The following CTTNBP2 variants were observed in gnomAD, a reference collection of about 807,000 sequenced individuals.
CTTNBP2 encodes the protein cortactin binding protein 2.
A neutral mutation model predicts 156.9 loss-of-function variants in CTTNBP2; 108 were observed. That is an observed-to-expected ratio of 0.69 (90% confidence interval 0.59 to 0.81). The LOEUF is 0.81. Among genes scored for constraint, CTTNBP2 ranks in the 30% least tolerant of loss-of-function variants. CTTNBP2 has a pLI of 0.00. For missense variants in CTTNBP2, 1,924 were observed against 2,035.4 expected, an observed-to-expected ratio of 0.95 and a Z score of 1.05; for synonymous variants, 767 against 751.8, an observed-to-expected ratio of 1.02 and a Z score of -0.33.
intron 1 of CTTNBP2, among the ~76,000 whole-genome samples, chr7:117,867,823 C>G (rs1804309159): frequency 6.6e-6 from 1 of 152,156 alleles, no homozygotes; most frequent in African/African-American, 2.4e-5. Context: ...AGGTCATGCA[C>G]CTCAAATCAA....
chr7:117,848,608 A>C (rs1266427162), intron 2 of CTTNBP2, among the ~76,000 whole-genome samples: 1 of 152,132 alleles, frequency 6.6e-6, no homozygotes, highest in Non-Finnish European at 1.5e-5. Context: ...ACAACAACAC[A>C]TCATGTGTAA....
At chr7:117,733,403 G>A (rs948908660) in intron 16 of CTTNBP2, among the ~76,000 whole-genome samples, 2 of 152,164 alleles carry the variant, frequency 1.3e-5, no homozygotes, top group Non-Finnish European at 2.9e-5. Flanking sequence ...GAGAGCTAGC[G>A]GGAGAGGGGT....
chr7:117,809,843 A>C (rs1178624436), intron 3 of CTTNBP2, among the ~76,000 whole-genome samples: 1 of 152,222 alleles, frequency 6.6e-6, no homozygotes, highest in Non-Finnish European at 1.5e-5. Flanking sequence ...AGTTCTCTGA[A>C]GAGGCCAAAT....
intron 12 of CTTNBP2, among the ~76,000 whole-genome samples, chr7:117,746,352 G>T (rs1213268945): frequency 2.0e-5 from 3 of 152,136 alleles, no homozygotes; most frequent in Admixed American, 6.5e-5. Context: ...CATAGCGAGG[G>T]TCTGCAGGGT....
At chr7:117,760,288 T>A (rs1398144250) in intron 10 of CTTNBP2, 147 bp downstream of exon 10, 2 of 693,014 alleles carry the variant, frequency 2.9e-6, no homozygotes, top group African/African-American at 1.8e-5. Flanking sequence ...GGCTACATTG[T>A]GAATACTCAA....
chr7:117,845,229 G>A (rs954094372), intron 2 of CTTNBP2, among the ~76,000 whole-genome samples: 2 of 152,184 alleles, frequency 1.3e-5, no homozygotes, highest in African/African-American at 4.8e-5. Context: ...TCTAAGAGGA[G>A]TAAGGAGATG....
intron 9 of CTTNBP2, 80 bp downstream of exon 9, chr7:117,766,979 T>C: frequency 1.2e-6 from 1 of 813,950 alleles, no homozygotes; most frequent in South Asian, 1.4e-5. Context: ...ATGCAAAAGA[T>C]GTAAATAGTT....
In CTTNBP2 at chr7:117,719,488, C is replaced by T. The variant is rs1402334767; in HGVS notation, c.4644+16G>A. 3 of 1,611,192 alleles carry T rather than the reference C, an allele frequency of 1.9e-6. No homozygotes were observed. Among genetic ancestry groups the T allele is most frequent in the East Asian group, 4.5e-5 (2 of 44,774 alleles). ...TTGAGTAGAGCCATTCAATGCCCCCCATTTGTACTGCTCACCTTGCTGATA... is the reference window on the plus strand; with the variant it reads ...TTGAGTAGAGCCATTCAATGCCCCCTATTTGTACTGCTCACCTTGCTGATA... On this transcript the variant is annotated intron_variant, in intron 21 of 22. Transcript: ENST00000160373.
chr7:117,734,596 G>T (rs895906876), intron 16 of CTTNBP2, among the ~76,000 whole-genome samples: 2 of 152,200 alleles, frequency 1.3e-5, no homozygotes, highest in Admixed American at 6.5e-5. Context: ...TGTTTTGAAG[G>T]CTCCAAGAAA....
chr7:117,757,961 G>C lies in CTTNBP2; in HGVS notation c.3182C>G (p.Pro1061Arg). 6.2e-7 allele frequency: 1 copy of C among 1,611,608 alleles called. No individual in the cohort carries two copies. Residue 1061 changes from proline to arginine, a missense_variant, in exon 11 of 23, where the codon CCG becomes CGG. Pro to Arg is a moderately radical substitution (Grantham distance 103). Coordinates refer to ENST00000160373, the MANE Select transcript of CTTNBP2 (RefSeq NM_033427.3). ...SIRSITLGNV[P>R]WSVGQSFAQS... ...CGCGAAGCTCTGACCCACTGACCAC[G>C]GCACATTTCCTAGTTTCAAAAAATG...
chr7:117,756,545 G>A lies in CTTNBP2; in HGVS notation c.3348+10C>T, dbSNP rs757742496. 9 of 1,605,092 alleles carry A rather than the reference G, an allele frequency of 5.6e-6. No individual in the cohort carries two copies. Among genetic ancestry groups the A allele is most frequent in the African/African-American group, 1.3e-5 (1 of 74,740 alleles). On this transcript the variant is annotated intron_variant, in intron 12 of 22. Coordinates refer to ENST00000160373, the MANE Select transcript of CTTNBP2 (RefSeq NM_033427.3). The stretch of plus-strand genomic sequence containing the variant: ...AAAACACAGGTCTCCACCCAGCAGT[G>A]TCCACCTACCAGCCTGAGGTAGTTC...
intron 2 of CTTNBP2, among the ~76,000 whole-genome samples, chr7:117,842,125 G>T (rs143929665): frequency 6.6e-6 from 1 of 152,096 alleles, no homozygotes; most frequent in African/African-American, 2.4e-5. Context: ...TAATAATAGA[G>T]GAAACTGGTG....
chr7:117,789,756 G>A (rs1434857020), intron 4 of CTTNBP2, among the ~76,000 whole-genome samples: 1 of 152,054 alleles, frequency 6.6e-6, no homozygotes, highest in Non-Finnish European at 1.5e-5. Context: ...AAGCTGACAG[G>A]TTATAGGATC....
At chr7:117,726,291 TA>T (rs1795092748) in intron 17 of CTTNBP2, among the ~76,000 whole-genome samples, 1 of 152,212 alleles carries the variant, frequency 6.6e-6, no homozygotes, top group Admixed American at 6.5e-5. Context: ...AGACATTGCA[TA>T]AAACTTTCAA....
At chr7:117,839,141 AG>A (rs1202907445) in intron 2 of CTTNBP2, among the ~76,000 whole-genome samples, 1 of 152,136 alleles carries the variant, frequency 6.6e-6, no homozygotes, top group African/African-American at 2.4e-5. Flanking sequence ...TAATTTTCTT[AG>A]TACAGAATTT....
rs919062637 is a variant in CTTNBP2 at position 117,791,217 on chromosome 7, G to A, written c.1979C>T (p.Thr660Ile). 1.2e-6 allele frequency: 2 copies of A among 1,614,204 alleles called. No homozygotes were observed. The highest frequency in any genetic ancestry group is 3.3e-5 in the Admixed American group (2 of 60,034). Residue 660 changes from threonine to isoleucine, a missense_variant, in exon 4 of 23, where the codon ACC becomes ATC. By Grantham distance (89) the Thr-to-Ile change is moderately conservative (BLOSUM62 -1). Coordinates refer to ENST00000160373, the MANE Select transcript of CTTNBP2 (RefSeq NM_033427.3). ...ACSDSSLVIP[T>I]TIAFCSSINP... ...TATGGAAGAGCAAAAGGCAATGGTG[G>A]TAGGAATGACAAGGGAACTGTCTGA...
intron 3 of CTTNBP2, among the ~76,000 whole-genome samples, chr7:117,799,106 G>GAA (rs549981355): frequency 0.02 from 2,984 of 145,962 alleles, 34 homozygotes; most frequent in South Asian, 0.034. Flanking sequence ...AAACATTAAA[G>GAA]AAAAAAAAAA....
At chr7:117,716,662 A>T (rs374308668) in intron 22 of CTTNBP2, among the ~76,000 whole-genome samples, 51 of 152,250 alleles carry the variant, frequency 3.3e-4, no homozygotes, top group African/African-American at 1.2e-3. Flanking sequence ...TTCCCAGTTG[A>T]ACAAAAAAAG....
At chr7:117,852,199 C>T (rs1476198045) in intron 2 of CTTNBP2, among the ~76,000 whole-genome samples, 2 of 151,302 alleles carry the variant, frequency 1.3e-5, no homozygotes, top group South Asian at 2.1e-4. Flanking sequence ...AATTTTATAA[C>T]ATCAAGGAAA....
Sources: gnomAD v4.1 joint callset for allele counts (sites outside exome capture counted in the v4.1 genomes callset) on GRCh38, gnomAD v4.1.1 for gene constraint, MANE v1.5 for transcripts, NCBI Gene and HGNC (gene_info 2026-07-23, HGNC 2026-07-21) for gene names.